The following TENM3 variants were observed in gnomAD, a reference collection of about 807,000 sequenced individuals.
TENM3 encodes the protein teneurin-3.
A neutral mutation model predicts 255.1 loss-of-function variants in TENM3; 63 were observed. The ratio of observed to expected loss-of-function variants is 0.25; its 90% confidence interval spans 0.20 to 0.30. The LOEUF is 0.30. Ranked by LOEUF, TENM3 falls within the 10% of genes least tolerant of loss-of-function variation. The pLI is 1.00. For missense variants in TENM3, 2,929 were observed against 3,461.1 expected, an observed-to-expected ratio of 0.85 and a Z score of 3.86; for synonymous variants, 1,306 against 1,322.3, an observed-to-expected ratio of 0.99 and a Z score of 0.27.
chr4:182,496,926 T>C (rs549414045), intron 3 of TENM3, among the ~76,000 whole-genome samples: 12 of 152,178 alleles, frequency 7.9e-5, no homozygotes, highest in African/African-American at 1.9e-4. Context: ...ATGAGACATA[T>C]TGTAGAATAC....
At chr4:182,325,814 C>T (rs947122356) in intron 2 of TENM3, among the ~76,000 whole-genome samples, 1 of 152,274 alleles carries the variant, frequency 6.6e-6, no homozygotes, top group East Asian at 1.9e-4. Context: ...AACAGCAGCA[C>T]ATGTGGCGAG....
At chr4:181,597,868 G>A in the TENM3 span, among the ~76,000 whole-genome samples, 7 of 152,170 alleles carry the variant, frequency 4.6e-5, no homozygotes, top group Non-Finnish European at 8.8e-5. Flanking sequence ...AGAGAGAGAT[G>A]TTCTGGAAGG....
At chr4:181,713,781 A>G in the TENM3 span, among the ~76,000 whole-genome samples, 1 of 152,174 alleles carries the variant, frequency 6.6e-6, no homozygotes, top group East Asian at 1.9e-4. Context: ...AAATTCTCAC[A>G]GAAAAAAAAC....
chr4:181,697,885 A>G, the TENM3 span, among the ~76,000 whole-genome samples: 1 of 152,100 alleles, frequency 6.6e-6, no homozygotes, highest in East Asian at 1.9e-4. Context: ...TTTTGCTCCT[A>G]ATATCTAAAA....
At chr4:181,605,584 G>GAAAGAAAGAGAGAGAGAGAGAGAGA in the TENM3 span, among the ~76,000 whole-genome samples, 11 of 69,194 alleles carry the variant, frequency 1.6e-4, 1 homozygote, top group African/African-American at 6.3e-4. Context: ...GAGAAAGAAA[G>GAAAGAAAGAGAGAGAGAGAGAGAGA]GAAAGAAAGA....
the TENM3 span, among the ~76,000 whole-genome samples, chr4:181,525,521 C>T: frequency 2.0e-5 from 3 of 151,986 alleles, no homozygotes; most frequent in East Asian, 3.9e-4. Context: ...GATTAATTGC[C>T]AGGGTTCACT....
the TENM3 span, among the ~76,000 whole-genome samples, chr4:182,003,034 AT>A: frequency 2.0e-5 from 3 of 151,914 alleles, no homozygotes; most frequent in Admixed American, 6.6e-5. Flanking sequence ...TATATTGATC[AT>A]TTTTTTAATT....
At chr4:181,906,010 T>G in the TENM3 span, 1 of 479,236 alleles carries the variant, frequency 2.1e-6, no homozygotes, top group Middle Eastern at 3.4e-4. Context: ...CTTTTCATTA[T>G]ATCTCGTAAC....
At chr4:182,417,946 T>C (rs897590818) in intron 3 of TENM3, among the ~76,000 whole-genome samples, 1 of 152,216 alleles carries the variant, frequency 6.6e-6, no homozygotes, top group Non-Finnish European at 1.5e-5. Context: ...AAGTTGAATT[T>C]ATGTCTGAAG....
chr4:182,684,591 G>A (rs1756432450), intron 11 of TENM3, among the ~76,000 whole-genome samples: 1 of 152,144 alleles, frequency 6.6e-6, no homozygotes, highest in Admixed American at 6.5e-5. Flanking sequence ...AAATGAGCTA[G>A]TATGTGAAAA....
At chr4:182,376,650 A>T (rs1013818695) in intron 3 of TENM3, among the ~76,000 whole-genome samples, 3 of 152,130 alleles carry the variant, frequency 2.0e-5, no homozygotes, top group African/African-American at 2.4e-5. Context: ...CAAGCATTGG[A>T]GCAGCAACGT....
chr4:181,464,159 T>C, the TENM3 span, among the ~76,000 whole-genome samples: 1 of 152,198 alleles, frequency 6.6e-6, no homozygotes, highest in Non-Finnish European at 1.5e-5. Flanking sequence ...ATATCTTAGA[T>C]ATATGTCCAG....
intron 3 of TENM3, among the ~76,000 whole-genome samples, chr4:182,515,386 C>T (rs1382209039): frequency 6.6e-6 from 1 of 151,938 alleles, no homozygotes; most frequent in African/African-American, 2.4e-5. Context: ...GAGTGATGAA[C>T]AGGTGGAAAA....
At chr4:181,882,125 T>G in the TENM3 span, among the ~76,000 whole-genome samples, 1 of 152,296 alleles carries the variant, frequency 6.6e-6, no homozygotes, top group South Asian at 2.1e-4. Context: ...TCCCCCCCGT[T>G]CGCCTGCAGA....
chr4:181,572,882 C>A, the TENM3 span, among the ~76,000 whole-genome samples: 1 of 152,052 alleles, frequency 6.6e-6, no homozygotes, highest in Non-Finnish European at 1.5e-5. Context: ...CCCCAGTCAC[C>A]CCACCCTTCA....
intron 1 of TENM3, among the ~76,000 whole-genome samples, chr4:182,320,374 C>T (rs1230158148): frequency 2.0e-5 from 3 of 152,188 alleles, no homozygotes; most frequent in South Asian, 2.1e-4. Flanking sequence ...ATCTGCTTCG[C>T]GCCTCTCTTC....
At chr4:182,762,447 T>TGAC (rs1439780576) in intron 22 of TENM3, among the ~76,000 whole-genome samples, 1 of 151,862 alleles carries the variant, frequency 6.6e-6, no homozygotes, top group Non-Finnish European at 1.5e-5. Context: ...AAACGATTGA[T>TGAC]AATAAAGCAA....
At position 182,317,628 on chromosome 4, in the gene TENM3, G is replaced by A. The variant is rs143974058; in HGVS notation, c.-75-6318G>A. 2.2e-3 allele frequency among the ~76,000 whole-genome samples: 338 copies of A among 152,004 alleles called. 4 individuals are homozygous for A. The highest frequency in any genetic ancestry group is 0.014 in the Middle Eastern group (4 of 294). The stretch of plus-strand genomic sequence containing the variant: ...TGGCCTTGTGTTTTAACTTTTTACC[G>A]CTAACATGATAGTTAGATTCTCTTG... On this transcript the variant is annotated intron_variant, in intron 1 of 27. Transcript: ENST00000511685.
At chr4:181,789,740 T>A in the TENM3 span, among the ~76,000 whole-genome samples, 2 of 152,020 alleles carry the variant, frequency 1.3e-5, no homozygotes, top group African/African-American at 4.8e-5. Context: ...TACAAAGTCT[T>A]AGACAAGGAG....
Sources: gnomAD v4.1 joint callset for allele counts (sites outside exome capture counted in the v4.1 genomes callset) on GRCh38, gnomAD v4.1.1 for gene constraint, MANE v1.5 for transcripts, NCBI Gene and HGNC (gene_info 2026-07-23, HGNC 2026-07-21) for gene names.